Variants in ADAM22 observed in about 807,000 individuals in gnomAD.
ADAM22 encodes the protein ADAM metallopeptidase domain 22.
Under a neutral mutation model 144.6 loss-of-function variants are expected in ADAM22, and 65 were observed. The observed-to-expected ratio is 0.45, with a 90% CI of 0.37 to 0.55. The LOEUF is 0.55. Ranked by LOEUF, ADAM22 falls within the 20% of genes least tolerant of loss-of-function variation. The pLI is 0.00. For missense variants in ADAM22, 974 were observed against 1,184.9 expected (o/e 0.82, Z 2.61); for synonymous variants, 391 against 412.6 (o/e 0.95, Z 0.63).
chr7:88,185,027 G>C (rs950965529), intron 29 of ADAM22, among the ~76,000 whole-genome samples: 1 of 152,190 alleles, frequency 6.6e-6, no homozygotes, highest in African/African-American at 2.4e-5. Flanking sequence ...AGCTGCATGG[G>C]CTTTTTCTAC....
chr7:88,201,947 T>G lies in ADAM22; in HGVS notation c.*5456T>G, dbSNP rs1851233343. ...TATTTTATGAATTTTCAGGCTGTGA[T>G]TTGTGTTGGATGGCTAAGCTCTAAA... On this transcript the variant is annotated 3_prime_UTR_variant, in exon 32 of 32. Coordinates refer to ENST00000413139, the MANE Select transcript of ADAM22 (RefSeq NM_001324418.2). 6.6e-6 allele frequency: 1 copy of G among 152,230 alleles called. No individual in the cohort carries two copies. The highest frequency in any genetic ancestry group is 2.1e-4 in the South Asian group (1 of 4,832). 9.4% of individuals were successfully genotyped at this position (152,230 alleles called of 1,614,324 possible).
intron 4 of ADAM22, among the ~76,000 whole-genome samples, chr7:88,082,763 A>T (rs1817164648): frequency 6.6e-6 from 1 of 152,178 alleles, no homozygotes; most frequent in Admixed American, 6.5e-5. Context: ...GCCATCAGAG[A>T]AATGCAAATC....
intron 4 of ADAM22, among the ~76,000 whole-genome samples, chr7:88,077,974 C>G (rs1364314408): frequency 2.6e-5 from 4 of 152,268 alleles, no homozygotes; most frequent in African/African-American, 9.6e-5. Flanking sequence ...ATGTCCCTGT[C>G]TGTCAGCTTT....
At chr7:88,094,714 A>G (rs1407750269) in intron 4 of ADAM22, among the ~76,000 whole-genome samples, 3 of 152,308 alleles carry the variant, frequency 2.0e-5, no homozygotes, top group Admixed American at 6.5e-5. Flanking sequence ...CCACATAGCA[A>G]TTAGATTTTT....
At chr7:88,026,159 G>T (rs963249748) in intron 3 of ADAM22, among the ~76,000 whole-genome samples, 1 of 152,086 alleles carries the variant, frequency 6.6e-6, no homozygotes, top group Non-Finnish European at 1.5e-5. Context: ...ATGTGTGTTA[G>T]CACAGACTGG....
At chr7:87,941,130 T>C (rs1390220508) in intron 2 of ADAM22, among the ~76,000 whole-genome samples, 3 of 152,204 alleles carry the variant, frequency 2.0e-5, no homozygotes, top group Non-Finnish European at 2.9e-5. Flanking sequence ...TTCTTTTTGT[T>C]GGAAGCCTTT....
chr7:88,062,125 AAGCCACTGACCTG>A (rs1262502165), intron 3 of ADAM22, among the ~76,000 whole-genome samples: 3 of 152,014 alleles, frequency 2.0e-5, no homozygotes, highest in African/African-American at 4.8e-5. Flanking sequence ...TTACAGGTAT[AAGCCACTGACCTG>A]AGCCCTTCTT....
At chr7:88,165,747 A>G (rs1156867889) in intron 23 of ADAM22, 85 bp from the exon 24 acceptor site, 1 of 888,926 alleles carries the variant, frequency 1.1e-6, no homozygotes, top group African/African-American at 1.7e-5. Context: ...CATTCTAAGC[A>G]TATAATAATA....
chr7:87,954,028 G>A (rs891767190), intron 2 of ADAM22, among the ~76,000 whole-genome samples: 6 of 151,882 alleles, frequency 4.0e-5, no homozygotes, highest in African/African-American at 4.8e-5. Context: ...TTTTGAGCCT[G>A]TGTGTGTCTC....
chr7:87,971,127 G>A (rs1850348368), intron 2 of ADAM22, among the ~76,000 whole-genome samples: 1 of 152,070 alleles, frequency 6.6e-6, no homozygotes, highest in Non-Finnish European at 1.5e-5. Flanking sequence ...TTGGCCTTAG[G>A]ACATGTGCTG....
At chr7:88,058,202 T>C (rs1808810667) in intron 3 of ADAM22, among the ~76,000 whole-genome samples, 1 of 152,146 alleles carries the variant, frequency 6.6e-6, no homozygotes, top group Non-Finnish European at 1.5e-5. Context: ...AAGTAGCACT[T>C]GGGAAAAGTT....
chr7:88,196,593 T>C lies in ADAM22; in HGVS notation c.*102T>C. 2 of 1,292,742 alleles carry C rather than the reference T, an allele frequency of 1.5e-6. No homozygotes were observed. The highest frequency in any genetic ancestry group is 1.5e-5 in the African/African-American group (1 of 68,766). The allele number at this position is 1,292,742 out of a possible 1,614,324, so 80.1% of individuals were successfully genotyped here. A position where few individuals can be genotyped will look rare whatever the true frequency, so the allele number is the denominator to read the frequency against. On this transcript the variant is annotated 3_prime_UTR_variant, in exon 32 of 32. Transcript: ENST00000413139. The stretch of plus-strand genomic sequence containing the variant: ...GCAAATCTATCTGCTCTTCAGACAA[T>C]ACGAAGACCCTCTGAGATGCTACAG...
chr7:88,058,710 C>T (rs1009523174), intron 3 of ADAM22, among the ~76,000 whole-genome samples: 2 of 151,980 alleles, frequency 1.3e-5, no homozygotes, highest in Admixed American at 1.3e-4. Flanking sequence ...GTTGGAAGGG[C>T]CTGTAGTGTT....
At chr7:87,962,283 G>A (rs138927920) in intron 2 of ADAM22, among the ~76,000 whole-genome samples, 1 of 152,190 alleles carries the variant, frequency 6.6e-6, no homozygotes, top group African/African-American at 2.4e-5. Flanking sequence ...ATTACAGTTT[G>A]CAAAATAACT....
chr7:88,184,542 G>C (rs1179363716), intron 29 of ADAM22: 2 of 194,972 alleles, frequency 1.0e-5, no homozygotes, highest in South Asian at 6.2e-5. Context: ...GCCAGCACCA[G>C]CTAATTTTCC....
intron 2 of ADAM22, among the ~76,000 whole-genome samples, chr7:87,973,775 C>T (rs1482109078): frequency 6.6e-6 from 1 of 152,128 alleles, no homozygotes; most frequent in African/African-American, 2.4e-5. Flanking sequence ...ATGATGAGCT[C>T]ATGTCCTTTG....
At chr7:88,112,487 A>G (rs1266826548) in intron 5 of ADAM22, among the ~76,000 whole-genome samples, 2 of 152,218 alleles carry the variant, frequency 1.3e-5, no homozygotes, top group Non-Finnish European at 2.9e-5. Context: ...AAAAATTACT[A>G]CAGCTCATAG....
chr7:88,186,637 A>G lies in ADAM22; in HGVS notation c.2686A>G (p.Arg896Gly), dbSNP rs761429042. The G allele has an allele frequency of 6.2e-7, 1 of 1,612,146 alleles. No homozygotes were observed. Among genetic ancestry groups the G allele is most frequent in the South Asian group, 1.1e-5 (1 of 91,036 alleles). Residue 896 changes from arginine (R) to glycine (G), a missense_variant, in exon 30 of 32, where the codon AGA becomes GGA. Transcript: ENST00000413139. ...CAGGTATTTAAACCCATGGTTCAAA[A>G]GAGACTATAATGTAGCTAAGTGGGT... Reference protein sequence around the residue: ...STEYLNPWFKRDYNVAKWVED... With the variant: ...STEYLNPWFKGDYNVAKWVED...
At chr7:88,142,930 A>T in intron 14 of ADAM22, 96 bp from the exon 15 acceptor site, 4 of 686,058 alleles carry the variant, frequency 5.8e-6, no homozygotes, top group South Asian at 4.0e-5. Context: ...CCCTCATTTT[A>T]AAGAGTAATA....
Sources: allele counts gnomAD v4.1 joint callset (sites outside exome capture counted in the v4.1 genomes callset), GRCh38; gene constraint gnomAD v4.1.1; transcripts MANE v1.5; gene names NCBI Gene and HGNC (gene_info 2026-07-23, HGNC 2026-07-21).